The following OSTM1 variants were observed in gnomAD, a reference collection of about 807,000 sequenced individuals.
The protein encoded by OSTM1 is osteoclastogenesis associated transmembrane protein 1, also known as osteopetrosis-associated transmembrane protein 1.
A neutral mutation model predicts 35.4 loss-of-function variants in OSTM1; 26 were observed. That is an observed-to-expected ratio of 0.73 (90% CI 0.54 to 1.02). OSTM1 has a LOEUF of 1.02. OSTM1 is among the 50% of genes least tolerant of loss of function. The pLI, the probability that OSTM1 is intolerant of heterozygous loss-of-function variation, is 0.00. For missense variants in OSTM1, 366 were observed against 409.6 expected (o/e 0.89, Z 0.92); for synonymous variants, 181 against 165.0 (o/e 1.10, Z -0.75).
At chr6:108,072,428 G>A (rs1772500924) in intron 1 of OSTM1, among the ~76,000 whole-genome samples, 1 of 152,116 alleles carries the variant, frequency 6.6e-6, no homozygotes, top group South Asian at 2.1e-4. Context: ...GAGGCCAGGA[G>A]TTCGAGAACA....
At chr6:108,054,653 T>C (rs1772139511) in intron 2 of OSTM1, 66 bp from the exon 3 acceptor site, 1 of 754,682 alleles carries the variant, frequency 1.3e-6, no homozygotes, top group South Asian at 1.5e-5. Flanking sequence ...GTCATTTATA[T>C]CTTAAGCTAT....
chr6:108,071,120 G>A (rs1332249943), intron 1 of OSTM1, among the ~76,000 whole-genome samples: 1 of 151,582 alleles, frequency 6.6e-6, no homozygotes, highest in Non-Finnish European at 1.5e-5. Context: ...CCTGGGAGGT[G>A]GAGCTTGCAG....
chr6:108,054,471 A>C lies in OSTM1; in HGVS notation c.615+19T>G. 1.7e-6 allele frequency: 2 copies of C among 1,151,786 alleles called. No homozygotes were observed. Among genetic ancestry groups the C allele is most frequent in the South Asian group, 2.7e-5 (2 of 74,008 alleles). 71.3% of individuals were successfully genotyped at this position (1,151,786 alleles called of 1,614,324 possible). On this transcript the variant is annotated intron_variant, in intron 3 of 5. Coordinates refer to ENST00000193322, the MANE Select transcript of OSTM1 (RefSeq NM_014028.4). ...TGTACAAGGCAGCATTTTAATTTTA[A>C]ATATTATATATAAAATACCTGAAGG...
In OSTM1 at chr6:108,061,695, T is replaced by TTTTTC. The variant is rs200161770; in HGVS notation, c.517+2485_517+2489dup. Among the ~76,000 whole-genome samples, 1,657 of 151,532 alleles carry TTTTTC rather than the reference T, an allele frequency of 0.011. 65 individuals carry two copies. In the East Asian group the frequency reaches 0.15, roughly 14 times the overall value. ...CATTTGCCACCATGCCCAGCTAATTTTTTTCTTTTCTTTTCTTTTCTTTGT... is the reference window on the plus strand; with the variant it reads ...CATTTGCCACCATGCCCAGCTAATTTTTTTCTTTTCTTTTCTTTTCTTTTCTTTGT... On this transcript the variant is annotated intron_variant, in intron 2 of 5. Coordinates refer to ENST00000193322, the MANE Select transcript of OSTM1 (RefSeq NM_014028.4).
intron 4 of OSTM1, among the ~76,000 whole-genome samples, chr6:108,049,946 T>G (rs1369559445): frequency 6.6e-6 from 1 of 152,236 alleles, no homozygotes. Context: ...TTAAGCTCAT[T>G]AATTCTGACC....
chr6:108,049,202 T>G (rs1772033086), intron 5 of OSTM1, 51 bp downstream of exon 5: 3 of 1,349,642 alleles, frequency 2.2e-6, no homozygotes, highest in Non-Finnish European at 2.1e-6. Flanking sequence ...AGGCCTAAAT[T>G]TTTAAAATAC....
chr6:108,056,478 C>T (rs1452987881), intron 2 of OSTM1, among the ~76,000 whole-genome samples: 1 of 152,174 alleles, frequency 6.6e-6, no homozygotes, highest in East Asian at 1.9e-4. Flanking sequence ...CCATAGATAT[C>T]TTACACCATA....
At chr6:108,061,274 T>A (rs915756963) in intron 2 of OSTM1, among the ~76,000 whole-genome samples, 1 of 152,156 alleles carries the variant, frequency 6.6e-6, no homozygotes, top group African/African-American at 2.4e-5. Context: ...TTTTTCTTCA[T>A]ATGAACTAAA....
intron 2 of OSTM1, chr6:108,060,741 C>T (rs1772258626): frequency 1.3e-5 from 2 of 152,014 alleles, no homozygotes; most frequent in South Asian, 2.1e-4. Flanking sequence ...AACAAAAACA[C>T]TTTTTAAAGA....
intron 4 of OSTM1, among the ~76,000 whole-genome samples, chr6:108,050,196 C>T (rs1461139574): frequency 6.6e-6 from 1 of 152,074 alleles, no homozygotes; most frequent in African/African-American, 2.4e-5. Context: ...CAAAAAAAGC[C>T]TAAGTCCTTG....
At chr6:108,050,954 C>T in intron 4 of OSTM1, 77 bp downstream of exon 4, 2 of 1,233,102 alleles carry the variant, frequency 1.6e-6, no homozygotes, top group South Asian at 2.4e-5. Context: ...CACCCTATCA[C>T]CAAAAATAAT....
intron 2 of OSTM1, chr6:108,060,800 C>T: frequency 6.6e-6 from 1 of 152,248 alleles, no homozygotes; most frequent in South Asian, 2.1e-4. Context: ...TCACATCTGT[C>T]AAAAGAAGTG....
At chr6:108,053,880 C>T (rs1340027207) in intron 3 of OSTM1, among the ~76,000 whole-genome samples, 1 of 152,172 alleles carries the variant, frequency 6.6e-6, no homozygotes, top group Non-Finnish European at 1.5e-5. Flanking sequence ...GGATTACTTA[C>T]TTGTTATGTA....
chr6:108,066,667 G>A (rs901736316), intron 1 of OSTM1, among the ~76,000 whole-genome samples: 41 of 152,232 alleles, frequency 2.7e-4, no homozygotes, highest in African/African-American at 9.9e-4. Flanking sequence ...ACAGGGAATG[G>A]AAGATGAGGA....
chr6:108,061,998 C>A (rs181586201), intron 2 of OSTM1, among the ~76,000 whole-genome samples: 1 of 152,092 alleles, frequency 6.6e-6, no homozygotes, highest in African/African-American at 2.4e-5. Flanking sequence ...TAGTACCAAA[C>A]CTTCTATATA....
At chr6:108,047,756 T>C (rs1362385828) in intron 5 of OSTM1, among the ~76,000 whole-genome samples, 1 of 151,944 alleles carries the variant, frequency 6.6e-6, no homozygotes, top group Non-Finnish European at 1.5e-5. Flanking sequence ...AGAAAGAAAA[T>C]AATTAAGAAA....
intron 2 of OSTM1, among the ~76,000 whole-genome samples, chr6:108,055,457 CT>C (rs1387489633): frequency 1.3e-5 from 2 of 152,112 alleles, no homozygotes; most frequent in African/African-American, 4.8e-5. Context: ...GCTGGGATTA[CT>C]TAAAGGCATG....
intron 1 of OSTM1, among the ~76,000 whole-genome samples, chr6:108,067,094 C>T (rs1772393239): frequency 6.6e-6 from 1 of 152,182 alleles, no homozygotes; most frequent in Admixed American, 6.5e-5. Context: ...TAATCCCAAA[C>T]CGTACTCCTC....
Position 108,050,358 on chromosome 6 carries a change from CT to C in OSTM1, c.783+672del, listed in dbSNP as rs759901355. 7.4e-3 allele frequency among the ~76,000 whole-genome samples: 771 copies of C among 104,748 alleles called. 2 individuals carry two copies. Among genetic ancestry groups the C allele is most frequent in the African/African-American group, 0.024 (649 of 26,860 alleles). 68.7% of individuals were successfully genotyped at this position (104,748 alleles called of 152,430 possible). A position where few individuals can be genotyped will look rare whatever the true frequency, so the allele number is the denominator to read the frequency against. ...AACATGTAGTGAAATCCAGAAACGTCTTTTTTTTTTTTTTTTTTTTTTTGAG... is the reference window on the plus strand; with the variant it reads ...AACATGTAGTGAAATCCAGAAACGTCTTTTTTTTTTTTTTTTTTTTTTGAG... On this transcript the variant is annotated intron_variant, in intron 4 of 5. Coordinates refer to ENST00000193322, the MANE Select transcript of OSTM1 (RefSeq NM_014028.4).
Sources: allele counts gnomAD v4.1 joint callset (sites outside exome capture counted in the v4.1 genomes callset), GRCh38; gene constraint gnomAD v4.1.1; transcripts MANE v1.5; gene names NCBI Gene and HGNC (gene_info 2026-07-23, HGNC 2026-07-21).